Variants in SPATA31D1 observed in about 807,000 individuals in gnomAD.
The protein encoded by SPATA31D1 is SPATA31 subfamily D member 1.
In SPATA31D1, 6 loss-of-function variants were observed where a neutral mutation model predicts 13.2. The observed-to-expected ratio is 0.46, with a 90% CI of 0.25 to 0.90. SPATA31D1 has a LOEUF of 0.90. SPATA31D1 is among the 40% of genes least tolerant of loss of function. SPATA31D1 has a pLI of 0.18. For synonymous variants in SPATA31D1, 903 were observed against 718.8 expected, an observed-to-expected ratio of 1.26 and a Z score of -4.10; for missense variants, 2,445 against 1,884.7, an observed-to-expected ratio of 1.30 and a Z score of -5.50.
In SPATA31D1 at chr9:81,994,635, G is replaced by C. The variant is rs113456427; in HGVS notation, c.4165G>C (p.Gly1389Arg). 2.0e-5 allele frequency: 32 copies of C among 1,613,288 alleles called. No individual in the cohort carries two copies. In the African/African-American group the frequency reaches 2.4e-4, roughly 12 times the overall value. The change falls in exon 4 of 4, where the codon GGT (glycine) becomes CGT (arginine). Residue 1389 changes from glycine to arginine, a missense_variant. Physicochemically the swap from Gly to Arg is moderately radical, Grantham distance 125. Coordinates refer to ENST00000344803, the MANE Select transcript of SPATA31D1 (RefSeq NM_001001670.3). ...CCTGTCATCATGTGTGCAGAATATT[G>C]GTCGAGTTATAAGAGCTGCCTTTAC... ...SSLSSCVQNIGRVIRAAFTGT... is the reference protein window; with the variant it reads ...SSLSSCVQNIRRVIRAAFTGT...
Position 81,991,541 on chromosome 9 carries a change from C to G in SPATA31D1, c.1071C>G (p.Thr357=). 6.2e-7 allele frequency: 1 copy of G among 1,614,022 alleles called. No homozygotes were observed. The highest frequency in any genetic ancestry group is 8.5e-7 in the Non-Finnish European group (1 of 1,179,902). The part of the protein sequence containing the change: ...DHSHLASSEF[T]WWQPHAKDSF... The stretch of plus-strand genomic sequence containing the variant: ...CACACCTTGCATCTTCAGAATTCAC[C>G]TGGTGGCAGCCTCATGCCAAGGACT... Residue 357 remains threonine (T), a synonymous_variant, in exon 4 of 4, where the codon ACC becomes ACG. Coordinates refer to ENST00000344803, the MANE Select transcript of SPATA31D1 (RefSeq NM_001001670.3).
At position 81,991,636 on chromosome 9, in the gene SPATA31D1, T is replaced by C. The variant is rs376549982; in HGVS notation, c.1166T>C (p.Phe389Ser). 1.9e-4 allele frequency: 311 copies of C among 1,613,864 alleles called. 5 individuals are homozygous for C. In the South Asian group the frequency reaches 2.5e-3, roughly 13 times the overall value. Reference sequence around the variant, plus strand: ...CTTACCCTTCATTCTTCTGAGGCCTTTTTAGGGGGGCACTCTGTGGCCAAC... The same window carrying C: ...CTTACCCTTCATTCTTCTGAGGCCTCTTTAGGGGGGCACTCTGTGGCCAAC... ...ELLTLHSSEA[F>S]LGGHSVANLI... Residue 389 changes from phenylalanine to serine, a missense_variant, in exon 4 of 4, where the codon TTT becomes TCT. By Grantham distance (155) the Phe-to-Ser change is radical. Transcript: ENST00000344803.
rs374373990 is a variant in SPATA31D1 at position 81,992,937 on chromosome 9, C to A, written c.2467C>A (p.Gln823Lys). The change falls in exon 4 of 4, where the codon CAG becomes AAG. Residue 823 changes from glutamine to lysine, a missense_variant. Physicochemically the swap from Gln to Lys is moderately conservative, Grantham distance 53. Transcript: ENST00000344803. ...GAATGACTCAGGGGTGAGACTAGGT[C>A]AGAAACAACTTGAAAATGCCCTGAC... is the stretch of plus-strand genomic sequence containing the variant. ...SGNDSGVRLG[Q>K]KQLENALTVR... The A allele has an allele frequency of 1.2e-6, 2 of 1,613,604 alleles. No homozygotes were observed. The highest frequency in any genetic ancestry group is 2.2e-5 in the East Asian group (1 of 44,868).
Position 81,990,414 on chromosome 9 carries a change from C to T in SPATA31D1, c.233-3C>T. The T allele has an allele frequency of 6.2e-7, 1 of 1,601,706 alleles. No homozygotes were observed. On this transcript the variant is annotated splice_region_variant and splice_polypyrimidine_tract_variant and intron_variant, in intron 2 of 3. Transcript: ENST00000344803. The stretch of plus-strand genomic sequence containing the variant: ...TCTTCATTGCATATAACATACTATT[C>T]AGGTTTCCCAGACTGGAAAAGTTTC...
At position 81,992,796 on chromosome 9, in the gene SPATA31D1, A is replaced by C; in HGVS notation, c.2326A>C (p.Ser776Arg). The change falls in exon 4 of 4, where the codon AGC becomes CGC. Residue 776 changes from serine (S) to arginine (R), a missense_variant. Ser to Arg is a moderately radical substitution (Grantham distance 110, BLOSUM62 -1). Transcript: ENST00000344803. The stretch of plus-strand genomic sequence containing the variant: ...GAATGTGGGGAATTATCAGGGATAC[A>C]GCCAGGAGACTGTCCCAAAAGATCA... ...MENVGNYQGY[S>R]QETVPKDHLL... The C allele has an allele frequency of 6.2e-7, 1 of 1,613,824 alleles. No individual in the cohort carries two copies. Among genetic ancestry groups the C allele is most frequent in the Non-Finnish European group, 8.5e-7 (1 of 1,179,716 alleles).
chr9:81,993,744 C>T lies in SPATA31D1; in HGVS notation c.3274C>T (p.Pro1092Ser), dbSNP rs1196176416. ...TEDGRQTFLPPPHSIVDEVSQ... is the reference protein window; with the variant it reads ...TEDGRQTFLPSPHSIVDEVSQ... ...GGATGGCAGACAGACTTTTCTGCCC[C>T]CGCCACACAGCATCGTAGACGAAGT... is the stretch of plus-strand genomic sequence containing the variant. The change falls in exon 4 of 4, where the codon CCG becomes TCG. Residue 1092 changes from proline (P) to serine (S), a missense_variant. Coordinates refer to ENST00000344803, the MANE Select transcript of SPATA31D1 (RefSeq NM_001001670.3). 1 of 1,613,966 alleles carries T rather than the reference C, an allele frequency of 6.2e-7. No homozygotes were observed. Among genetic ancestry groups the T allele is most frequent in the Non-Finnish European group, 8.5e-7 (1 of 1,179,888 alleles).
Position 81,994,199 on chromosome 9 carries a change from C to T in SPATA31D1, c.3729C>T (p.Gly1243=), listed in dbSNP as rs760727092. Residue 1243 remains glycine, a synonymous_variant, in exon 4 of 4, where the codon GGC becomes GGT. Transcript: ENST00000344803. ...AGGACTTACTGACTAATTCCCAGGG[C>T]ATCTCGAGTGGGGACATGGGAACTT... ...SSKDLLTNSQ[G]ISSGDMGTSQ... 6.2e-6 allele frequency: 10 copies of T among 1,613,918 alleles called. No homozygotes were observed. In the African/African-American group the frequency reaches 1.2e-4, roughly 19 times the overall value.
At chr9:81,988,276 C>T (rs527309935), upstream of SPATA31D1, among the ~76,000 whole-genome samples, 2 of 152,092 alleles carry the variant, frequency 1.3e-5, no homozygotes, top group African/African-American at 4.8e-5. Context: ...AAACTGACTT[C>T]AAAACAAAAA....
rs868341348 is a variant in SPATA31D1 at position 81,992,055 on chromosome 9, T to C, written c.1585T>C (p.Phe529Leu). The C allele has an allele frequency of 1.6e-5, 26 of 1,613,704 alleles. No homozygotes were observed. The Middle Eastern group carries it at 2.0e-3, about 123-fold the overall frequency. Residue 529 changes from phenylalanine to leucine, a missense_variant, in exon 4 of 4, where the codon TTT becomes CTT. Transcript: ENST00000344803. ...TGTCCAACGTGGCCATTCCTCCATG[T>C]TTGTATTCTTCAATGGCATTACAAA... ...VLVQRGHSSM[F>L]VFFNGITNTS...
rs749745831 is a variant in SPATA31D1, at chr9:81,991,327, T to C, written c.857T>C (p.Met286Thr). The C allele has an allele frequency of 6.2e-7, 1 of 1,614,086 alleles. No individual in the cohort carries two copies. The highest frequency in any genetic ancestry group is 8.5e-7 in the Non-Finnish European group (1 of 1,179,902). The stretch of plus-strand genomic sequence containing the variant: ...CTATGCCAAGATATTTCGCAGGCCA[T>C]GAATCCCATTGATTCTTGTGCTCGT... The part of the protein sequence containing the change: ...STLCQDISQA[M>T]NPIDSCARHH... Residue 286 changes from methionine to threonine, a missense_variant, in exon 4 of 4, where the codon ATG becomes ACG. Physicochemically the swap from Met to Thr is moderately conservative, Grantham distance 81 (BLOSUM62 -1). Coordinates refer to ENST00000344803, the MANE Select transcript of SPATA31D1 (RefSeq NM_001001670.3).
Position 81,991,464 on chromosome 9 carries a change from G to C in SPATA31D1, c.994G>C (p.Gly332Arg). The change falls in exon 4 of 4, where the codon GGC (glycine) becomes CGC (arginine). Residue 332 changes from glycine to arginine, a missense_variant. Physicochemically the swap from Gly to Arg is moderately radical, Grantham distance 125. Coordinates refer to ENST00000344803, the MANE Select transcript of SPATA31D1 (RefSeq NM_001001670.3). ...KTFPEMLSLG[G>R]SGGSSTSAPT... is the part of the protein sequence containing the mutation. Reference sequence around the variant, plus strand: ...TTTTCCGGAAATGTTATCTCTAGGTGGCTCTGGTGGGTCATCCACCTCTGC... The same window carrying C: ...TTTTCCGGAAATGTTATCTCTAGGTCGCTCTGGTGGGTCATCCACCTCTGC... 1 of 1,613,958 alleles carries C rather than the reference G, an allele frequency of 6.2e-7. No homozygotes were observed. The highest frequency in any genetic ancestry group is 1.1e-5 in the South Asian group (1 of 91,074).
chr9:81,989,072 T>A, intron 1 of SPATA31D1, 68 bp downstream of exon 1: 1 of 1,574,792 alleles, frequency 6.4e-7, no homozygotes, highest in African/African-American at 1.4e-5. Context: ...ATTCCAACAT[T>A]TCTAAATAAG....
In SPATA31D1 at chr9:81,991,659, A is replaced by C; in HGVS notation, c.1189A>C (p.Asn397His). 1.2e-6 allele frequency: 2 copies of C among 1,614,000 alleles called. No individual in the cohort carries two copies. Among genetic ancestry groups the C allele is most frequent in the Non-Finnish European group, 1.7e-6 (2 of 1,179,900 alleles). The change falls in exon 4 of 4, where the codon AAC becomes CAC. Residue 397 changes from asparagine (N) to histidine (H), a missense_variant. Transcript: ENST00000344803. ...CTTTTTAGGGGGGCACTCTGTGGCC[A>C]ACCTCATAGAGCCTGTTAACATCTC... ...EAFLGGHSVA[N>H]LIEPVNISFL... is the part of the protein sequence containing the mutation.
rs369397042 is a variant in SPATA31D1 at position 81,994,952 on chromosome 9, C to G, written c.4482C>G (p.Asp1494Glu). Residue 1494 changes from aspartate to glutamate, a missense_variant, in exon 4 of 4, where the codon GAC (aspartate) becomes GAG (glutamate). Coordinates refer to ENST00000344803, the MANE Select transcript of SPATA31D1 (RefSeq NM_001001670.3). ...CTACAAGGATTAGACAGATCATAGACAAGGACAGACAGCCCCAGAAAGTTG... is the reference window on the plus strand; with the variant it reads ...CTACAAGGATTAGACAGATCATAGAGAAGGACAGACAGCCCCAGAAAGTTG... ...NYPTRIRQII[D>E]KDRQPQKVEA... 6 of 1,613,970 alleles carry G rather than the reference C, an allele frequency of 3.7e-6. No individual in the cohort carries two copies. Among genetic ancestry groups the G allele is most frequent in the South Asian group, 2.2e-5 (2 of 91,080 alleles).
In SPATA31D1 at chr9:81,990,506, G is replaced by T; in HGVS notation, c.302+20G>T. 1 of 1,588,878 alleles carries T rather than the reference G, an allele frequency of 6.3e-7. No homozygotes were observed. Among genetic ancestry groups the T allele is most frequent in the Non-Finnish European group, 8.6e-7 (1 of 1,165,800 alleles). Reference sequence around the variant, plus strand: ...GAAAAGGTGATTAATCTTTCCCTTTGTGTCCTGTTCCCACCCCACTCCTTC... The same window carrying T: ...GAAAAGGTGATTAATCTTTCCCTTTTTGTCCTGTTCCCACCCCACTCCTTC... On this transcript the variant is annotated intron_variant, in intron 3 of 3. Transcript: ENST00000344803.
intron 2 of SPATA31D1, 61 bp from the exon 3 acceptor site, chr9:81,990,356 C>G: frequency 7.7e-7 from 1 of 1,300,176 alleles, no homozygotes; most frequent in Non-Finnish European, 1.1e-6. Flanking sequence ...GGGTCTTCCA[C>G]AGATTGACTT....
In SPATA31D1 at chr9:81,991,644, G is replaced by C; in HGVS notation, c.1174G>C (p.Gly392Arg). ...TLHSSEAFLG[G>R]HSVANLIEPV... ...TCATTCTTCTGAGGCCTTTTTAGGG[G>C]GGCACTCTGTGGCCAACCTCATAGA... Residue 392 changes from glycine (G) to arginine (R), a missense_variant, in exon 4 of 4, where the codon GGG (glycine) becomes CGG (arginine). By Grantham distance (125) the Gly-to-Arg change is moderately radical. Coordinates refer to ENST00000344803, the MANE Select transcript of SPATA31D1 (RefSeq NM_001001670.3). 6.2e-7 allele frequency: 1 copy of C among 1,613,844 alleles called. No individual in the cohort carries two copies. The highest frequency in any genetic ancestry group is 1.1e-5 in the South Asian group (1 of 91,074).
Position 81,992,114 on chromosome 9 carries a change from C to T in SPATA31D1, c.1644C>T (p.Pro548=), listed in dbSNP as rs371675890. The T allele has an allele frequency of 5.0e-6, 8 of 1,613,586 alleles. No homozygotes were observed. The African/African-American group carries it at 1.1e-4, about 22-fold the overall frequency. The part of the protein sequence containing the change: ...TSISHESPVL[P]PPQPLSLPST... The stretch of plus-strand genomic sequence containing the variant: ...TATCCCATGAATCCCCAGTACTTCC[C>T]CCTCCCCAACCTCTGTCCTTGCCTA... Residue 548 remains proline, a synonymous_variant, in exon 4 of 4, where the codon CCC becomes CCT. Transcript: ENST00000344803.
In SPATA31D1 at chr9:81,991,615, C is replaced by A. The variant is rs749568781; in HGVS notation, c.1145C>A (p.Thr382Asn). The change falls in exon 4 of 4, where the codon ACC becomes AAC. Residue 382 changes from threonine (T) to asparagine (N), a missense_variant. Transcript: ENST00000344803. ...VPSDFMEELL[T>N]LHSSEAFLGG... ...TCTGATTTCATGGAGGAGCTTCTTA[C>A]CCTTCATTCTTCTGAGGCCTTTTTA... 1 of 1,613,952 alleles carries A rather than the reference C, an allele frequency of 6.2e-7. No homozygotes were observed. The highest frequency in any genetic ancestry group is 8.5e-7 in the Non-Finnish European group (1 of 1,179,900).
Sources: allele counts gnomAD v4.1 joint callset (sites outside exome capture counted in the v4.1 genomes callset), GRCh38; gene constraint gnomAD v4.1.1; transcripts MANE v1.5; gene names NCBI Gene and HGNC (gene_info 2026-07-23, HGNC 2026-07-21).